TYMS: variants seen among roughly 807,000 people sequenced by gnomAD.
The protein encoded by TYMS is thymidylate synthase.
TYMS carries 21 observed loss-of-function variants against 39.3 expected under a neutral mutation model. The observed-to-expected ratio is 0.54, with a 90% CI of 0.38 to 0.77. TYMS has a LOEUF of 0.77. TYMS is among the 30% of genes least tolerant of loss of function. The pLI is 0.00. For missense variants in TYMS, 273 were observed against 406.7 expected, an observed-to-expected ratio of 0.67 and a Z score of 2.83; for synonymous variants, 171 against 162.2, an observed-to-expected ratio of 1.05 and a Z score of -0.41.
intron 2 of TYMS, 25 bp downstream of exon 2, chr18:659,739 G>A (rs2074737528): frequency 6.3e-7 from 1 of 1,591,796 alleles, no homozygotes; most frequent in Non-Finnish European, 8.6e-7. Context: ...GCTATTAGAA[G>A]TCAGTAGTCT....
intron 3 of TYMS, among the ~76,000 whole-genome samples, chr18:668,764 A>C (rs887263000): frequency 2.0e-5 from 3 of 152,116 alleles, no homozygotes; most frequent in African/African-American, 7.2e-5. Context: ...AAGATTGTTG[A>C]GATTGGAAAG....
chr18:673,522 G>C lies in TYMS; in HGVS notation c.*525G>C, dbSNP rs948135236. 2.1e-5 allele frequency: 4 copies of C among 194,176 alleles called. No individual in the cohort carries two copies. Among genetic ancestry groups the C allele is most frequent in the African/African-American group, 7.0e-5 (3 of 43,070 alleles). The allele number at this position is 194,176 out of a possible 1,614,324, so 12.0% of individuals were successfully genotyped here. A position where few individuals can be genotyped will look rare whatever the true frequency, so the allele number is the denominator to read the frequency against. On this transcript the variant is annotated 3_prime_UTR_variant, in exon 7 of 7. Transcript: ENST00000323274. ...GTCCACGCTTTGTTCATTCTGTACT[G>C]CCACTTATCTGCTCAGTTCCTTCCT...
At position 658,412 on chromosome 18, in the gene TYMS, A is replaced by C; in HGVS notation, c.205+465A>C. 8.5e-7 allele frequency: 1 copy of C among 1,179,988 alleles called. No individual in the cohort carries two copies. The highest frequency in any genetic ancestry group is 6.0e-5 in the East Asian group (1 of 16,658). The allele number at this position is 1,179,988 out of a possible 1,614,324, so 73.1% of individuals were successfully genotyped here. A position where few individuals can be genotyped will look rare whatever the true frequency, so the allele number is the denominator to read the frequency against. On this transcript the variant is annotated intron_variant, in intron 1 of 6. Transcript: ENST00000323274. This position sits in a 1 kb window ranked among gnomAD's most constrained non-coding sequence, Gnocchi z 4.5. ...GAGCGAAAGTGATGTGGGCGGGGCA[A>C]AGGCGGCGGGAAGAGGAGAGCACTG... is the stretch of plus-strand genomic sequence containing the variant.
chr18:664,350 T>A (rs1412895345), intron 3 of TYMS, among the ~76,000 whole-genome samples: 2 of 149,850 alleles, frequency 1.3e-5, no homozygotes, highest in Non-Finnish European at 3.0e-5. Flanking sequence ...ATGCTTGTGA[T>A]TTTTGCAGAT....
chr18:664,979 C>G (rs1360399140), intron 3 of TYMS, among the ~76,000 whole-genome samples: 2 of 150,404 alleles, frequency 1.3e-5, no homozygotes, highest in East Asian at 1.9e-4. Context: ...CTAAAATTCT[C>G]TTTTTTGGTT....
In TYMS at chr18:662,330, T is replaced by C. The variant is rs1199828704; in HGVS notation, c.454+10T>C. ...AGAGATATGGAATCAGGTGAGGAGA[T>C]AGAACAATGCCTTCCATTTCCCGGG... is the stretch of plus-strand genomic sequence containing the variant. On this transcript the variant is annotated intron_variant, in intron 3 of 6. Transcript: ENST00000323274. 10 of 1,597,392 alleles carry C rather than the reference T, an allele frequency of 6.3e-6. No individual in the cohort carries two copies. Among genetic ancestry groups the C allele is most frequent in the East Asian group, 2.2e-5 (1 of 44,622 alleles).
chr18:671,644 T>A (rs2075055224), intron 6 of TYMS, 193 bp downstream of exon 6: 3 of 614,658 alleles, frequency 4.9e-6, no homozygotes, highest in Non-Finnish European at 8.6e-6. Flanking sequence ...CATGGGCACT[T>A]AACATGTCAG....
rs1320684124 is a variant in TYMS, at chr18:658,551, C to A, written c.205+604C>A. On this transcript the variant is annotated intron_variant, in intron 1 of 6. Coordinates refer to ENST00000323274, the MANE Select transcript of TYMS (RefSeq NM_001071.4). This position sits in a 1 kb window ranked among gnomAD's most constrained non-coding sequence, Gnocchi z 4.5. Reference sequence around the variant, plus strand: ...GGGAGTTCGAGTATAAGTTCTTAGTCGTCCTTTCCTCTTTCCTTTCCGACA... The same window carrying A: ...GGGAGTTCGAGTATAAGTTCTTAGTAGTCCTTTCCTCTTTCCTTTCCGACA... The A allele has an allele frequency of 1.7e-5, 5 of 290,126 alleles. No homozygotes were observed. The highest frequency in any genetic ancestry group is 1.2e-3 in the Middle Eastern group (1 of 838). The allele number at this position is 290,126 out of a possible 1,614,324, so 18.0% of individuals were successfully genotyped here.
rs2074699872 is a variant in TYMS at position 657,690 on chromosome 18, G to A, written c.-53G>A. On this transcript the variant is annotated 5_prime_UTR_variant, in exon 1 of 7. Coordinates refer to ENST00000323274, the MANE Select transcript of TYMS (RefSeq NM_001071.4). ...TCCGTCCCGCCGCGCCACTTGGCCTGCCTCCGTCCCGCCGCGCCACTTCGC... is the reference window on the plus strand; with the variant it reads ...TCCGTCCCGCCGCGCCACTTGGCCTACCTCCGTCCCGCCGCGCCACTTCGC... 1 of 1,257,794 alleles carries A rather than the reference G, an allele frequency of 8.0e-7. No homozygotes were observed. The highest frequency in any genetic ancestry group is 1.0e-6 in the Non-Finnish European group (1 of 986,252). 77.9% of individuals were successfully genotyped at this position (1,257,794 alleles called of 1,614,324 possible). A position where few individuals can be genotyped will look rare whatever the true frequency, so the allele number is the denominator to read the frequency against.
At chr18:661,596 G>C (rs963274018) in intron 2 of TYMS, among the ~76,000 whole-genome samples, 2 of 152,216 alleles carry the variant, frequency 1.3e-5, no homozygotes, top group African/African-American at 4.8e-5. Flanking sequence ...CTTAGTTGAG[G>C]GGAATGGAAG....
chr18:662,036 T>C, intron 2 of TYMS, 110 bp from the exon 3 acceptor site: 1 of 1,232,372 alleles, frequency 8.1e-7, no homozygotes, highest in Non-Finnish European at 1.1e-6. Context: ...GCCCACCTCC[T>C]AGCAAGTCAG....
chr18:667,322 TGATGGTGATGGAGATGGTGATGGA>T (rs1356099917), intron 3 of TYMS, among the ~76,000 whole-genome samples: 2 of 33,388 alleles, frequency 6.0e-5, no homozygotes, highest in Non-Finnish European at 5.1e-5. Context: ...ATGGAGATGG[TGATGGTGATGGAGATGGTGATGGA>T]GATGGTGATG....
In TYMS at chr18:657,725, TCC is replaced by T. The variant is rs1160255091; in HGVS notation, c.-14_-13del. On this transcript the variant is annotated 5_prime_UTR_variant, in exon 1 of 7. Coordinates refer to ENST00000323274, the MANE Select transcript of TYMS (RefSeq NM_001071.4). ...CGCCGCGCCACTTCGCCTGCCTCCG[TCC>T]CCCGCCCGCCGCGCCATGCCTGTGG... 57 of 1,329,514 alleles carry T rather than the reference TCC, an allele frequency of 4.3e-5. No individual in the cohort carries two copies. The highest frequency in any genetic ancestry group is 6.4e-5 in the East Asian group (2 of 31,204). The allele number at this position is 1,329,514 out of a possible 1,614,324, so 82.4% of individuals were successfully genotyped here. A position where few individuals can be genotyped will look rare whatever the true frequency, so the allele number is the denominator to read the frequency against.
chr18:669,218 A>T (rs1567992361), intron 4 of TYMS, 45 bp downstream of exon 4: 3 of 1,553,122 alleles, frequency 1.9e-6, no homozygotes, highest in Non-Finnish European at 2.7e-6. Context: ...CCATACTCTT[A>T]GAGGGAAGCA....
intron 6 of TYMS, chr18:672,640 TG>T (rs1347178925): frequency 7.6e-6 from 3 of 396,484 alleles, no homozygotes; most frequent in Non-Finnish European, 1.4e-5. Flanking sequence ...CCTGATGCTG[TG>T]TAATGTCACA....
intron 4 of TYMS, 198 bp from the exon 5 acceptor site, chr18:670,494 C>A (rs2074989775): frequency 1.7e-6 from 1 of 585,484 alleles, no homozygotes; most frequent in Non-Finnish European, 3.0e-6. Context: ...CCTGCAGAAA[C>A]CTTGCACCGA....
intron 3 of TYMS, among the ~76,000 whole-genome samples, chr18:664,426 A>G (rs903690120): frequency 9.6e-5 from 14 of 145,716 alleles, no homozygotes; most frequent in African/African-American, 2.9e-4. Flanking sequence ...GGCTGAGACA[A>G]TGGGGTTTTC....
rs1475068793 is a variant in TYMS at position 663,876 on chromosome 18, AT to A, written c.454+1557del. ...GCTCTGTTCTGTTCCATTGATCTAT[AT>A]GTCTGTTTTGGTACCAGTACCATAC... On this transcript the variant is annotated intron_variant, in intron 3 of 6. Coordinates refer to ENST00000323274, the MANE Select transcript of TYMS (RefSeq NM_001071.4). Among the ~76,000 whole-genome samples, 3 of 91,932 alleles carry A rather than the reference AT, an allele frequency of 3.3e-5. 1 individual carries two copies. The highest frequency in any genetic ancestry group is 1.9e-4 in the African/African-American group (3 of 16,122). The allele number at this position is 91,932 out of a possible 152,430, so 60.3% of individuals were successfully genotyped here.
Position 660,359 on chromosome 18 carries a change from C to T in TYMS, c.279+645C>T, listed in dbSNP as rs907146914. Among the ~76,000 whole-genome samples the T allele has an allele frequency of 6.6e-6, 1 of 152,186 alleles. No individual in the cohort carries two copies. The highest frequency in any genetic ancestry group is 1.5e-5 in the Non-Finnish European group (1 of 68,038). On this transcript the variant is annotated intron_variant, in intron 2 of 6. Coordinates refer to ENST00000323274, the MANE Select transcript of TYMS (RefSeq NM_001071.4). This position sits in a 1 kb window ranked among gnomAD's most constrained non-coding sequence, Gnocchi z 4.6. ...CTCCTGATTTAAAACTGTGACTCTC[C>T]CCCAACCTCCTTGGTGTTTCTCCAT...
Sources: gnomAD v4.1 joint callset for allele counts (sites outside exome capture counted in the v4.1 genomes callset) on GRCh38, gnomAD v4.1.1 for gene constraint, Gnocchi (gnomAD v3.1) non-coding constraint, MANE v1.5 for transcripts, NCBI Gene and HGNC (gene_info 2026-07-23, HGNC 2026-07-21) for gene names.